SAXO1: variants seen among roughly 807,000 people sequenced by gnomAD.
SAXO1 encodes the protein stabilizer of axonemal microtubules 1, also known as 4930500O09Rik.
Under a neutral mutation model 17.5 loss-of-function variants are expected in SAXO1, and 21 were observed. The observed-to-expected ratio is 1.20, with a 90% confidence interval of 0.85 to 1.72. SAXO1 has a LOEUF of 1.72. SAXO1 is among the 40% of genes most tolerant of loss of function. SAXO1 has a pLI of 0.00. For synonymous variants in SAXO1, 274 were observed against 216.5 expected, an observed-to-expected ratio of 1.27 and a Z score of -2.33; for missense variants, 843 against 596.0, an observed-to-expected ratio of 1.41 and a Z score of -4.32.
intron 1 of SAXO1, among the ~76,000 whole-genome samples, chr9:18,979,985 G>C (rs1394582027): frequency 6.6e-6 from 1 of 152,192 alleles, no homozygotes; most frequent in Non-Finnish European, 1.5e-5. Context: ...GACTGTACTG[G>C]GCAAGTGAAA....
At chr9:19,042,834 A>G (rs1388058577) in intron 1 of SAXO1, among the ~76,000 whole-genome samples, 1 of 151,580 alleles carries the variant, frequency 6.6e-6, no homozygotes, top group Admixed American at 6.6e-5. Context: ...TGTACTCCAG[A>G]CTGGGCAACA....
intron 1 of SAXO1, among the ~76,000 whole-genome samples, chr9:19,028,333 G>A (rs558708416): frequency 1.2e-4 from 18 of 152,240 alleles, no homozygotes; most frequent in African/African-American, 2.9e-4. Flanking sequence ...CCAAGATCGC[G>A]CCATTGCACT....
chr9:18,954,882 G>A (rs186827202), intron 1 of SAXO1, among the ~76,000 whole-genome samples: 1 of 148,970 alleles, frequency 6.7e-6, no homozygotes, highest in East Asian at 2.0e-4. Flanking sequence ...TATAACAACT[G>A]CACTGGTACA....
At chr9:18,957,304 G>C (rs1380232116) in intron 1 of SAXO1, among the ~76,000 whole-genome samples, 1 of 152,144 alleles carries the variant, frequency 6.6e-6, no homozygotes, top group Non-Finnish European at 1.5e-5. Context: ...GTAATAATCA[G>C]GGAAATAAAA....
intron 3 of SAXO1, among the ~76,000 whole-genome samples, chr9:18,938,836 G>GTGTGTGTGTGTGTA (rs1425965685): frequency 6.6e-6 from 1 of 151,240 alleles, no homozygotes; most frequent in Non-Finnish European, 1.5e-5. Flanking sequence ...GTGTGTGTGT[G>GTGTGTGTGTGTGTA]TGTGTGTGTG....
intron 1 of SAXO1, among the ~76,000 whole-genome samples, chr9:19,017,415 T>G (rs1835025020): frequency 6.6e-6 from 1 of 152,078 alleles, no homozygotes; most frequent in South Asian, 2.1e-4. Context: ...TTTAAAAAAC[T>G]GGGGTGACAG....
chr9:18,980,315 C>G (rs1428936572), intron 1 of SAXO1, among the ~76,000 whole-genome samples: 1 of 151,732 alleles, frequency 6.6e-6, no homozygotes, highest in African/African-American at 2.4e-5. Context: ...TTTAAGCATA[C>G]AAATCAGAAG....
chr9:18,991,915 T>C (rs1238534984), intron 1 of SAXO1, among the ~76,000 whole-genome samples: 1 of 152,070 alleles, frequency 6.6e-6, no homozygotes, highest in Non-Finnish European at 1.5e-5. Flanking sequence ...TGAAGAGGCG[T>C]CTGTAAAAAC....
At chr9:19,030,371 A>G (rs1835704245) in intron 1 of SAXO1, among the ~76,000 whole-genome samples, 2 of 152,188 alleles carry the variant, frequency 1.3e-5, no homozygotes, top group South Asian at 4.1e-4. Flanking sequence ...GAAGGGACCA[A>G]TTAAAGAAAG....
chr9:18,954,594 C>T (rs78233249), intron 1 of SAXO1, among the ~76,000 whole-genome samples: 3,131 of 152,196 alleles, frequency 0.021, 93 homozygotes, highest in African/African-American at 0.068. Context: ...ACCTCAGCCA[C>T]GCAAAGTGCT....
chr9:18,980,832 A>G (rs1238946400), intron 1 of SAXO1, among the ~76,000 whole-genome samples: 1 of 151,596 alleles, frequency 6.6e-6, no homozygotes, highest in Non-Finnish European at 1.5e-5. Context: ...TAAGGAAAAT[A>G]AAAACTCATC....
chr9:19,042,754 C>T (rs992025858), intron 1 of SAXO1, among the ~76,000 whole-genome samples: 1 of 152,098 alleles, frequency 6.6e-6, no homozygotes. Flanking sequence ...CCCCGCTACT[C>T]GGGAGGCTGA....
upstream of SAXO1, among the ~76,000 whole-genome samples, chr9:19,035,070 G>A (rs1835901133): frequency 2.6e-5 from 4 of 152,286 alleles, no homozygotes; most frequent in South Asian, 8.3e-4. Context: ...ATCAGTGCTA[G>A]ACAGTAGGGA....
intron 1 of SAXO1, among the ~76,000 whole-genome samples, chr9:18,953,437 C>G (rs901986866): frequency 6.6e-6 from 1 of 152,202 alleles, no homozygotes; most frequent in Admixed American, 6.5e-5. Flanking sequence ...AGTACAGCAA[C>G]AAGCTTCTAT....
At chr9:18,995,980 G>A (rs1469756109) in intron 1 of SAXO1, among the ~76,000 whole-genome samples, 1 of 151,924 alleles carries the variant, frequency 6.6e-6, no homozygotes, top group Non-Finnish European at 1.5e-5. Context: ...TCGGGAGGCT[G>A]GGGCAGGAGA....
chr9:19,035,572 G>A (rs551758788), upstream of SAXO1, among the ~76,000 whole-genome samples: 69 of 152,320 alleles, frequency 4.5e-4, no homozygotes, highest in African/African-American at 1.5e-3. Flanking sequence ...AATAGGCAGA[G>A]GTTGGAACAG....
At chr9:18,991,297 C>T (rs1332146210) in intron 1 of SAXO1, among the ~76,000 whole-genome samples, 1 of 152,100 alleles carries the variant, frequency 6.6e-6, no homozygotes, top group Non-Finnish European at 1.5e-5. Flanking sequence ...TTCACAAAAG[C>T]AAAAACTGGG....
At chr9:18,997,041 G>T (rs1312846437) in intron 1 of SAXO1, among the ~76,000 whole-genome samples, 5 of 152,182 alleles carry the variant, frequency 3.3e-5, no homozygotes, top group Non-Finnish European at 7.4e-5. Flanking sequence ...CAGAAGATGG[G>T]TGATTTCTGC....
rs900935697 is a variant in SAXO1, at chr9:18,992,115, C to G, written c.38+40756G>C. Among the ~76,000 whole-genome samples the G allele has an allele frequency of 2.6e-5, 4 of 152,158 alleles. No individual in the cohort carries two copies. The East Asian group carries it at 7.7e-4, about 29-fold the overall frequency. On this transcript the variant is annotated intron_variant, in intron 1 of 3. Transcript: ENST00000380534. ...CATTCTATAGATAAGGGAAATCAGG[C>G]TGAAAAGATTTATAAAGTTGCCTAT...
Sources: gnomAD v4.1 joint callset for allele counts (sites outside exome capture counted in the v4.1 genomes callset) on GRCh38, gnomAD v4.1.1 for gene constraint, MANE v1.5 for transcripts, NCBI Gene and HGNC (gene_info 2026-07-23, HGNC 2026-07-21) for gene names.